FHIT: variants seen among roughly 807,000 people sequenced by gnomAD.
FHIT encodes the protein fragile histidine triad diadenosine triphosphatase, also known as bis(5'-adenosyl)-triphosphatase.
A neutral mutation model predicts 17.9 loss-of-function variants in FHIT; 19 were observed. That is an observed-to-expected ratio of 1.06 (90% CI 0.74 to 1.56). The LOEUF is 1.56. Ranked by LOEUF, FHIT falls within the 40% of genes most tolerant of loss-of-function variation. The probability of loss-of-function intolerance (pLI) is 0.00; values close to 1 mark genes in which losing one functional copy is unlikely to be tolerated. For synonymous variants in FHIT, 81 were observed against 69.7 expected, an observed-to-expected ratio of 1.16 and a Z score of -0.81; for missense variants, 248 against 189.2, an observed-to-expected ratio of 1.31 and a Z score of -1.82.
intron 4 of FHIT, among the ~76,000 whole-genome samples, chr3:60,559,341 G>C (rs991187659): frequency 2.6e-5 from 4 of 152,130 alleles, no homozygotes; most frequent in African/African-American, 9.7e-5. Flanking sequence ...ATTTAGAAAA[G>C]ATCACAAAAG....
intron 4 of FHIT, among the ~76,000 whole-genome samples, chr3:60,556,677 G>C (rs567696808): frequency 6.6e-6 from 1 of 152,340 alleles, no homozygotes; most frequent in South Asian, 2.1e-4. Flanking sequence ...AAAACGGTTA[G>C]GCAAAATGAG....
At chr3:59,948,019 T>C (rs1274590155) in intron 7 of FHIT, among the ~76,000 whole-genome samples, 1 of 152,198 alleles carries the variant, frequency 6.6e-6, no homozygotes, top group Non-Finnish European at 1.5e-5. Context: ...ATGGTATAGA[T>C]GTACCACTGT....
At chr3:60,846,587 A>T (rs1412908568) in intron 3 of FHIT, among the ~76,000 whole-genome samples, 4 of 152,200 alleles carry the variant, frequency 2.6e-5, no homozygotes, top group East Asian at 1.9e-4. Context: ...CAGTTGAGTT[A>T]GAATAAAGAA....
intron 5 of FHIT, among the ~76,000 whole-genome samples, chr3:60,509,290 C>T (rs748082794): frequency 6.6e-6 from 1 of 152,146 alleles, no homozygotes; most frequent in Non-Finnish European, 1.5e-5. Flanking sequence ...GCTGCCCCAA[C>T]TTCTATTATT....
chr3:60,798,294 C>T lies in FHIT; in HGVS notation c.-18+23625G>A, dbSNP rs569268674. On this transcript the variant is annotated intron_variant, in intron 4 of 9. Transcript: ENST00000492590. ...CTGAAATGAAGATGAGAAAAAATAA[C>T]TTAATTGGAATAAATATATAATAAT... 5.3e-5 allele frequency among the ~76,000 whole-genome samples: 8 copies of T among 152,076 alleles called. No individual in the cohort carries two copies. The South Asian group carries it at 1.7e-3, about 32-fold the overall frequency.
intron 5 of FHIT, among the ~76,000 whole-genome samples, chr3:60,289,035 T>G (rs973438505): frequency 6.6e-6 from 1 of 152,192 alleles, no homozygotes; most frequent in Non-Finnish European, 1.5e-5. Flanking sequence ...AGATATCATT[T>G]TTTTAATCCA....
rs998276435 is a variant in FHIT at position 59,806,442 on chromosome 3, C to T, written c.349-54121G>A. Among the ~76,000 whole-genome samples, 11 of 152,122 alleles carry T rather than the reference C, an allele frequency of 7.2e-5. No homozygotes were observed. The East Asian group carries it at 7.8e-4, about 11-fold the overall frequency. ...TAAATTTATACTCTTTCCAATGCTT[C>T]GTTCCACTTCTACAGTTAGACTGGT... On this transcript the variant is annotated intron_variant, in intron 8 of 9. Coordinates refer to ENST00000492590, the MANE Select transcript of FHIT (RefSeq NM_002012.4).
chr3:60,779,939 G>C, intron 4 of FHIT, among the ~76,000 whole-genome samples: 1 of 152,184 alleles, frequency 6.6e-6, no homozygotes, highest in East Asian at 1.9e-4. Flanking sequence ...GGCATACGTG[G>C]GTAAGAGCGG....
At chr3:61,021,274 T>G (rs2107646171) in intron 3 of FHIT, among the ~76,000 whole-genome samples, 1 of 152,238 alleles carries the variant, frequency 6.6e-6, no homozygotes, top group East Asian at 1.9e-4. Context: ...ACCACATAAG[T>G]GGAAGTAAAA....
intron 5 of FHIT, among the ~76,000 whole-genome samples, chr3:60,514,254 G>A (rs548630065): frequency 3.8e-4 from 58 of 152,228 alleles, no homozygotes; most frequent in Non-Finnish European, 6.6e-4. Context: ...TCTGTGGATG[G>A]CAAGGCTAAA....
chr3:60,630,002 C>T (rs146977759), intron 4 of FHIT, among the ~76,000 whole-genome samples: 2 of 152,296 alleles, frequency 1.3e-5, no homozygotes, highest in African/African-American at 2.4e-5. Context: ...TCCTTTGTTA[C>T]ACTGGCTGCC....
intron 3 of FHIT, among the ~76,000 whole-genome samples, chr3:61,023,789 T>C (rs1404758614): frequency 1.3e-5 from 2 of 152,142 alleles, no homozygotes; most frequent in East Asian, 1.9e-4. Flanking sequence ...GAAAACTGGC[T>C]AGCCAAATGC....
At chr3:60,569,740 T>C (rs994819042) in intron 4 of FHIT, among the ~76,000 whole-genome samples, 1 of 83,522 alleles carries the variant, frequency 1.2e-5, no homozygotes, top group Non-Finnish European at 2.2e-5. Context: ...TATATATATA[T>C]ATATATATAT....
intron 5 of FHIT, among the ~76,000 whole-genome samples, chr3:60,066,246 T>G (rs1702498681): frequency 6.6e-6 from 1 of 152,152 alleles, no homozygotes; most frequent in Admixed American, 6.5e-5. Context: ...TCAGGCTTAG[T>G]TTTGAAGTTC....
intron 5 of FHIT, among the ~76,000 whole-genome samples, chr3:60,428,437 C>T (rs1478895655): frequency 1.3e-5 from 2 of 152,124 alleles, no homozygotes; most frequent in Non-Finnish European, 2.9e-5. Flanking sequence ...ACTGAACCAT[C>T]AGGGTAAACT....
chr3:61,205,091 G>A (rs1261213812), intron 1 of FHIT, among the ~76,000 whole-genome samples: 6 of 151,498 alleles, frequency 4.0e-5, no homozygotes, highest in East Asian at 1.9e-4. Context: ...TTGTCCTTGT[G>A]ATAGTTTGCA....
At chr3:61,016,253 G>A (rs1276489247) in intron 3 of FHIT, among the ~76,000 whole-genome samples, 1 of 152,164 alleles carries the variant, frequency 6.6e-6, no homozygotes, top group Non-Finnish European at 1.5e-5. Flanking sequence ...GAAAAGGACA[G>A]TAATGAGTGA....
chr3:59,969,557 A>G (rs1708083473), intron 7 of FHIT, among the ~76,000 whole-genome samples: 3 of 151,936 alleles, frequency 2.0e-5, no homozygotes, highest in Non-Finnish European at 4.4e-5. Context: ...GGTAAAAACA[A>G]AACAAAACAA....
At chr3:60,607,220 T>C (rs2038636157) in intron 4 of FHIT, among the ~76,000 whole-genome samples, 1 of 151,992 alleles carries the variant, frequency 6.6e-6, no homozygotes, top group African/African-American at 2.4e-5. Context: ...ACCACCAGGG[T>C]TTTTATAAAT....
Sources: gnomAD v4.1 joint callset for allele counts (sites outside exome capture counted in the v4.1 genomes callset) on GRCh38, gnomAD v4.1.1 for gene constraint, MANE v1.5 for transcripts, NCBI Gene and HGNC (gene_info 2026-07-23, HGNC 2026-07-21) for gene names.